Variants in ANAPC1 observed in about 807,000 individuals in gnomAD.
The protein encoded by ANAPC1 is anaphase-promoting complex subunit 1.
Under a neutral mutation model 208.0 loss-of-function variants are expected in ANAPC1, and 36 were observed. That is an observed-to-expected ratio of 0.17 (90% CI 0.13 to 0.23). ANAPC1 has a LOEUF of 0.23. ANAPC1 is among the 10% of genes least tolerant of loss of function. The probability of loss-of-function intolerance (pLI) is 1.00; values close to 1 mark genes in which losing one functional copy is unlikely to be tolerated. For missense variants in ANAPC1, 942 were observed against 2,011.6 expected, an observed-to-expected ratio of 0.47 and a Z score of 10.17; for synonymous variants, 378 against 695.2, an observed-to-expected ratio of 0.54 and a Z score of 7.18.
At chr2:111,793,076 T>C (rs1328971507) in intron 37 of ANAPC1, among the ~76,000 whole-genome samples, 2 of 152,228 alleles carry the variant, frequency 1.3e-5, no homozygotes, top group African/African-American at 4.8e-5. Context: ...CACCCAAAGA[T>C]AACTGGTGTT....
intron 47 of ANAPC1, 86 bp from the exon 48 acceptor site, chr2:111,769,492 C>G (rs1676601197): frequency 1.6e-6 from 1 of 616,586 alleles, no homozygotes; most frequent in Admixed American, 2.9e-5. Flanking sequence ...GAAACACAAT[C>G]ATGTTTAAAA....
intron 1 of ANAPC1, among the ~76,000 whole-genome samples, chr2:111,882,351 T>C (rs1383952946): frequency 6.6e-6 from 1 of 152,140 alleles, no homozygotes; most frequent in Non-Finnish European, 1.5e-5. Flanking sequence ...AGGGCAAGAA[T>C]CCTATATGGT....
intron 37 of ANAPC1, among the ~76,000 whole-genome samples, chr2:111,793,472 G>A (rs139081354): frequency 0.021 from 3,195 of 152,090 alleles, 67 homozygotes; most frequent in African/African-American, 0.072. Context: ...TGATCCTCCT[G>A]CTTCAGTCTC....
At chr2:111,791,087 A>T (rs1321616225) in intron 38 of ANAPC1, among the ~76,000 whole-genome samples, 1 of 152,266 alleles carries the variant, frequency 6.6e-6, no homozygotes, top group East Asian at 1.9e-4. Context: ...TAAAAATTTT[A>T]AAATAGATAA....
intron 21 of ANAPC1, among the ~76,000 whole-genome samples, chr2:111,830,258 T>C (rs1460881271): frequency 6.6e-6 from 1 of 152,162 alleles, no homozygotes; most frequent in Non-Finnish European, 1.5e-5. Flanking sequence ...AATTAACTTT[T>C]GACAAAAGTG....
chr2:111,828,181 C>T (rs12711639), intron 21 of ANAPC1, among the ~76,000 whole-genome samples: 88,343 of 151,930 alleles, frequency 0.58, 26,614 homozygotes, highest in South Asian at 0.69. Context: ...AGAAAATATG[C>T]TCAATATCAC....
intron 16 of ANAPC1, among the ~76,000 whole-genome samples, chr2:111,845,976 C>CAAAAAAA (rs34090398): frequency 8.9e-5 from 9 of 101,292 alleles, no homozygotes; most frequent in Non-Finnish European, 1.3e-4. Flanking sequence ...GACTCCGTCT[C>CAAAAAAA]AAAAAAAAAA....
At chr2:111,867,680 A>G (rs1469614749) in intron 7 of ANAPC1, among the ~76,000 whole-genome samples, 1 of 128,500 alleles carries the variant, frequency 7.8e-6, no homozygotes, top group South Asian at 2.9e-4. Context: ...CCACAGAGCA[A>G]GACCCCTCTC....
chr2:111,861,039 C>G (rs998942991), intron 10 of ANAPC1, among the ~76,000 whole-genome samples: 6 of 152,228 alleles, frequency 3.9e-5, no homozygotes, highest in African/African-American at 1.4e-4. Context: ...TGTCATCAAA[C>G]ATACCAGAGG....
intron 46 of ANAPC1, among the ~76,000 whole-genome samples, chr2:111,773,357 G>A (rs1316980937): frequency 6.6e-6 from 1 of 152,234 alleles, no homozygotes. Flanking sequence ...TCCGAAAAAT[G>A]CACTGAGGAT....
At chr2:111,854,287 A>G (rs1681577296) in intron 13 of ANAPC1, among the ~76,000 whole-genome samples, 1 of 152,192 alleles carries the variant, frequency 6.6e-6, no homozygotes, top group African/African-American at 2.4e-5. Context: ...TGGGCTTAAC[A>G]CATTCAGTAA....
chr2:111,882,110 G>A (rs1219813198), intron 1 of ANAPC1, among the ~76,000 whole-genome samples: 2 of 151,994 alleles, frequency 1.3e-5, no homozygotes, highest in African/African-American at 4.8e-5. Context: ...CGTGAACCCA[G>A]GAGGCGGAGG....
intron 3 of ANAPC1, among the ~76,000 whole-genome samples, chr2:111,877,223 C>T (rs1419085502): frequency 7.5e-6 from 1 of 132,608 alleles, no homozygotes; most frequent in African/African-American, 2.6e-5. Context: ...TCAACTTTCC[C>T]AAATTTTCCC....
intron 20 of ANAPC1, among the ~76,000 whole-genome samples, chr2:111,832,640 TC>T (rs1680211791): frequency 6.6e-6 from 1 of 152,090 alleles, no homozygotes; most frequent in Non-Finnish European, 1.5e-5. Flanking sequence ...GTTAAAAGCA[TC>T]CTTGGTGGCC....
Position 111,847,827 on chromosome 2 carries a change from A to C in ANAPC1, c.1689T>G (p.Ser563=), listed in dbSNP as rs752980552. The part of the protein sequence containing the change: ...LLSPVPELRD[S]SKLHDSLYNE... ...TATAGAGAGAATCATGAAGTTTTGAAGAATCCCTCAGTTCTGGAACTGGGG... is the reference window on the plus strand; with the variant it reads ...TATAGAGAGAATCATGAAGTTTTGACGAATCCCTCAGTTCTGGAACTGGGG... Residue 563 remains serine (S), a synonymous_variant, in exon 15 of 48, where the codon TCT becomes TCG. Transcript: ENST00000341068. 2 of 1,598,438 alleles carry C rather than the reference A, an allele frequency of 1.3e-6. No individual in the cohort carries two copies. Among genetic ancestry groups the C allele is most frequent in the Non-Finnish European group, 1.7e-6 (2 of 1,174,702 alleles).
intron 14 of ANAPC1, among the ~76,000 whole-genome samples, chr2:111,848,469 A>C (rs949810885): frequency 1.3e-5 from 2 of 151,988 alleles, no homozygotes; most frequent in Non-Finnish European, 2.9e-5. Context: ...TAGCAACCTT[A>C]CAGGGCTAAA....
chr2:111,881,595 G>T (rs1282137612), intron 1 of ANAPC1, among the ~76,000 whole-genome samples: 3 of 152,140 alleles, frequency 2.0e-5, no homozygotes, highest in African/African-American at 7.2e-5. Context: ...AAAAAATGTG[G>T]ATGAACTGTT....
At chr2:111,861,869 T>C (rs1226450508) in intron 10 of ANAPC1, among the ~76,000 whole-genome samples, 5 of 123,476 alleles carry the variant, frequency 4.0e-5, no homozygotes, top group African/African-American at 1.4e-4. Flanking sequence ...AGATTATTAC[T>C]ATAAAGGAAG....
At chr2:111,771,053 T>G (rs1223495316) in intron 47 of ANAPC1, 1 of 152,956 alleles carries the variant, frequency 6.5e-6, no homozygotes, top group African/African-American at 2.4e-5. Context: ...ACAGATCACC[T>G]TAGTTCTGCT....
Sources: allele counts gnomAD v4.1 joint callset (sites outside exome capture counted in the v4.1 genomes callset), GRCh38; gene constraint gnomAD v4.1.1; transcripts MANE v1.5; gene names NCBI Gene and HGNC (gene_info 2026-07-23, HGNC 2026-07-21).